The following NPC1 variants were observed in gnomAD, a reference collection of about 807,000 sequenced individuals.
NPC1 encodes Niemann-Pick C1 protein.
NPC1 carries 85 observed loss-of-function variants against 140.4 expected under a neutral mutation model. That is an observed-to-expected ratio of 0.61 (90% confidence interval 0.51 to 0.72). The LOEUF is 0.72. NPC1 is among the 30% of genes least tolerant of loss of function. NPC1 has a pLI of 0.00. For synonymous variants in NPC1, 656 were observed against 624.8 expected (o/e 1.05, Z -0.74); for missense variants, 1,504 against 1,623.8 (o/e 0.93, Z 1.27).
chr18:23,526,397 G>GA (rs1213339382), downstream of NPC1, among the ~76,000 whole-genome samples: 1 of 152,194 alleles, frequency 6.6e-6, no homozygotes, highest in African/African-American at 2.4e-5. Flanking sequence ...AGGTTACTTG[G>GA]AAAAGAGTCA....
At chr18:23,543,592 T>A in intron 13 of NPC1, 23 bp from the exon 14 acceptor site, 1 of 1,135,456 alleles carries the variant, frequency 8.8e-7, no homozygotes, top group Non-Finnish European at 1.3e-6. Flanking sequence ...AAAAAAAAAT[T>A]ATGCGACATT....
At chr18:23,533,210 A>G in intron 24 of NPC1, 145 bp downstream of exon 24, 1 of 951,978 alleles carries the variant, frequency 1.1e-6, no homozygotes, top group Non-Finnish European at 1.6e-6. Context: ...TTTCTTTTAG[A>G]AGAAATTTTT....
downstream of NPC1, among the ~76,000 whole-genome samples, chr18:23,526,063 T>C (rs913543816): frequency 3.9e-5 from 6 of 151,944 alleles, no homozygotes; most frequent in African/African-American, 1.5e-4. Context: ...GAAAAGGGGG[T>C]CACCCAGATG....
At chr18:23,567,917 T>C (rs548056051) in intron 4 of NPC1, among the ~76,000 whole-genome samples, 1 of 152,308 alleles carries the variant, frequency 6.6e-6, no homozygotes, top group South Asian at 2.1e-4. Context: ...CTGTTCAAAT[T>C]TGCATTTCGC....
chr18:23,517,023 G>A (rs1293441980), intron 3 of NPC1, among the ~76,000 whole-genome samples: 1 of 151,952 alleles, frequency 6.6e-6, no homozygotes, highest in Non-Finnish European at 1.5e-5. Context: ...ACTGTGCCTG[G>A]CCAAGTTTAT....
rs1287227864 is a variant in NPC1 at position 23,540,008 on chromosome 18, G to A, written c.2605-7C>T. 1.9e-6 allele frequency: 3 copies of A among 1,611,988 alleles called. No individual in the cohort carries two copies. In the African/African-American group the frequency reaches 4.0e-5, roughly 22 times the overall value. Reference sequence around the variant, plus strand: ...AATCCACCATGTAGGAGTCCTGAAAGAAAGATAAAAGAATAGGAGAGAGTG... The same window carrying A: ...AATCCACCATGTAGGAGTCCTGAAAAAAAGATAAAAGAATAGGAGAGAGTG... On this transcript the variant is annotated splice_region_variant and splice_polypyrimidine_tract_variant and intron_variant, in intron 17 of 24. Coordinates refer to ENST00000269228, the MANE Select transcript of NPC1 (RefSeq NM_000271.5).
rs904924289 is a variant in NPC1 at position 23,538,865 on chromosome 18, T to C, written c.2912-194A>G. 4 of 628,608 alleles carry C rather than the reference T, an allele frequency of 6.4e-6. No individual in the cohort carries two copies. The Admixed American group carries it at 1.1e-4, about 17-fold the overall frequency. The allele number at this position is 628,608 out of a possible 1,614,324, so 38.9% of individuals were successfully genotyped here. A position where few individuals can be genotyped will look rare whatever the true frequency, so the allele number is the denominator to read the frequency against. ...CTTTCACAGTTTAATGAATCTGAAA[T>C]ACCATTTTCATCTTAGGCATACTAT... is the stretch of plus-strand genomic sequence containing the variant. On this transcript the variant is annotated intron_variant, in intron 19 of 24. Coordinates refer to ENST00000269228, the MANE Select transcript of NPC1 (RefSeq NM_000271.5).
chr18:23,520,441 T>A (rs570678594), downstream of NPC1: 51 of 780,236 alleles, frequency 6.5e-5, no homozygotes, highest in Admixed American at 4.0e-4. Flanking sequence ...TCTGTCTGAT[T>A]TTGCCAGGGG....
At chr18:23,509,739 T>G (rs1044894033) in intron 3 of NPC1, 1 of 152,124 alleles carries the variant, frequency 6.6e-6, no homozygotes, top group African/African-American at 2.4e-5. Context: ...ATTTTGTATT[T>G]TTAGTAGAGA....
At chr18:23,573,650 TA>T in intron 1 of NPC1, 76 bp from the exon 2 acceptor site, 1 of 1,574,834 alleles carries the variant, frequency 6.3e-7, no homozygotes, top group South Asian at 1.1e-5. Flanking sequence ...CCCACTCAAG[TA>T]CAATCACAGA....
At chr18:23,510,911 G>A (rs77612096) in intron 3 of NPC1, among the ~76,000 whole-genome samples, 4 of 152,218 alleles carry the variant, frequency 2.6e-5, no homozygotes, top group African/African-American at 9.6e-5. Flanking sequence ...GTGGAAAACA[G>A]TATGGCGATT....
intron 12 of NPC1, 146 bp downstream of exon 12, chr18:23,544,813 CA>C (rs1359602907): frequency 1.4e-6 from 1 of 704,934 alleles, no homozygotes; most frequent in African/African-American, 1.8e-5. Flanking sequence ...TAGATGTAGG[CA>C]ACAGAAACGT....
At chr18:23,557,856 T>C (rs540003756) in intron 6 of NPC1, among the ~76,000 whole-genome samples, 1 of 152,310 alleles carries the variant, frequency 6.6e-6, no homozygotes, top group African/African-American at 2.4e-5. Flanking sequence ...CCAGAGCTCC[T>C]TGCAGGGCAG....
chr18:23,515,833 C>T (rs761134534), intron 3 of NPC1: 6 of 1,613,562 alleles, frequency 3.7e-6, no homozygotes, highest in Non-Finnish European at 5.1e-6. Flanking sequence ...AATGAAGATC[C>T]TGTTTCTTAA....
rs372390019 is a variant in NPC1, at chr18:23,560,536, G to C, written c.632-56C>G. On this transcript the variant is annotated intron_variant, in intron 5 of 24. Transcript: ENST00000269228. ...CTCAATTAAAAACATCCAAAATTTT[G>C]TATTATACTTAAACTCAAAGAAAAG... The C allele has an allele frequency of 3.8e-6, 6 of 1,583,484 alleles. No homozygotes were observed. The South Asian group carries it at 4.5e-5, about 12-fold the overall frequency.
Position 23,509,631 on chromosome 18 carries a change from C to T in NPC1, c.432-2989G>A, listed in dbSNP as rs144099036. Reference sequence around the variant, plus strand: ...CTGGTGGAGTGCAATGGCGCGATCTCGGCTCACCGCAACCTCCGCCTCCCA... The same window carrying T: ...CTGGTGGAGTGCAATGGCGCGATCTTGGCTCACCGCAACCTCCGCCTCCCA... On this transcript the variant is annotated intron_variant, in intron 3 of 3. Coordinates refer to the NPC1 transcript ENST00000591107. The T allele has an allele frequency of 3.4e-4, 52 of 153,064 alleles. No homozygotes were observed. The East Asian group carries it at 8.3e-3, about 25-fold the overall frequency. 9.5% of individuals were successfully genotyped at this position (153,064 alleles called of 1,614,324 possible). A position where few individuals can be genotyped will look rare whatever the true frequency, so the allele number is the denominator to read the frequency against.
At chr18:23,551,444 C>T (rs1172832461) in intron 10 of NPC1, 183 bp downstream of exon 10, 5 of 661,204 alleles carry the variant, frequency 7.6e-6, no homozygotes, top group Non-Finnish European at 1.4e-5. Context: ...ACCCAATCCA[C>T]TTCTTTTAAA....
At chr18:23,536,650 C>T (rs1286831481) in intron 21 of NPC1, 23 bp downstream of exon 21, 1 of 1,604,616 alleles carries the variant, frequency 6.2e-7, no homozygotes, top group Admixed American at 1.7e-5. Context: ...GGGTAAACCC[C>T]ATTGAAAAAG....
In NPC1 at chr18:23,560,306, T is replaced by A; in HGVS notation, c.806A>T (p.Tyr269Phe). 3 of 1,614,138 alleles carry A rather than the reference T, an allele frequency of 1.9e-6. No homozygotes were observed. Among genetic ancestry groups the A allele is most frequent in the Non-Finnish European group, 2.5e-6 (3 of 1,180,028 alleles). ...CATGTAGGTGATCCACATGATGACA[T>A]ACATGGCGTCCAAGCCAAGGATCGT... ...PWTILGLDAMYVIMWITYMAF... is the reference protein window; with the variant it reads ...PWTILGLDAMFVIMWITYMAF... The change falls in exon 6 of 25, where the codon TAT becomes TTT. Residue 269 changes from tyrosine (Y) to phenylalanine (F), a missense_variant. Tyr to Phe is a conservative substitution (Grantham distance 22). Transcript: ENST00000269228.
Sources: gnomAD v4.1 joint callset for allele counts (sites outside exome capture counted in the v4.1 genomes callset) on GRCh38, gnomAD v4.1.1 for gene constraint, MANE v1.5 for transcripts, NCBI Gene and HGNC (gene_info 2026-07-23, HGNC 2026-07-21) for gene names.